Variants in MBP observed in about 807,000 individuals in gnomAD.
MBP encodes myelin basic protein, also known as Golli-MBP.
In MBP, 16 loss-of-function variants were observed where a neutral mutation model predicts 35.8. The ratio of observed to expected loss-of-function variants is 0.45; its 90% CI spans 0.30 to 0.68. The LOEUF (loss-of-function observed/expected upper bound fraction) is 0.68. Ranked by LOEUF, MBP falls within the 30% of genes least tolerant of loss-of-function variation. The probability of loss-of-function intolerance (pLI) is 0.08; values close to 1 mark genes in which losing one functional copy is unlikely to be tolerated. For synonymous variants in MBP, 143 were observed against 159.6 expected (o/e 0.90, Z 0.78); for missense variants, 380 against 404.7 (o/e 0.94, Z 0.52).
intron 4 of MBP, chr18:77,013,442 CA>C: frequency 1.0e-6 from 1 of 985,170 alleles, no homozygotes; most frequent in Non-Finnish European, 1.2e-6. Context: ...CTCATGGTAA[CA>C]ATGAGGAATT....
intron 2 of MBP, among the ~76,000 whole-genome samples, chr18:77,068,016 CGTGT>C (rs56090018): frequency 1.2e-3 from 178 of 149,712 alleles, no homozygotes; most frequent in South Asian, 6.4e-4. Context: ...CCCTCCATCC[CGTGT>C]GTGTGTGTGT....
chr18:77,006,865 CACAG>C (rs1163664488), intron 4 of MBP: 1 of 152,206 alleles, frequency 6.6e-6, no homozygotes, highest in Non-Finnish European at 1.5e-5. Context: ...GGTGTGTTTG[CACAG>C]AGAGAGAGAG....
At chr18:77,009,930 C>T (rs1971246247) in intron 4 of MBP, 5 of 1,576,666 alleles carry the variant, frequency 3.2e-6, no homozygotes, top group Non-Finnish European at 4.3e-6. Flanking sequence ...AGGGTACCTG[C>T]CGGGGGACAC....
At chr18:77,124,493 G>A (rs114848759) in intron 1 of MBP, among the ~76,000 whole-genome samples, 5,659 of 151,540 alleles carry the variant, frequency 0.037, 155 homozygotes, top group African/African-American at 0.076. Context: ...TGCTGTGGTC[G>A]CTGCCTGCAC....
At chr18:77,118,906 G>T (rs535552331) in intron 1 of MBP, among the ~76,000 whole-genome samples, 2 of 150,998 alleles carry the variant, frequency 1.3e-5, no homozygotes, top group East Asian at 1.9e-4. Flanking sequence ...CACACACACA[G>T]CCACAACACA....
intron 3 of MBP, among the ~76,000 whole-genome samples, chr18:77,032,546 C>T (rs993443263): frequency 6.6e-6 from 1 of 152,226 alleles, no homozygotes; most frequent in African/African-American, 2.4e-5. Context: ...GGGACGGGGT[C>T]GGCGAGGCGC....
At chr18:76,997,723 C>T (rs1475841056) in intron 4 of MBP, among the ~76,000 whole-genome samples, 29 of 151,118 alleles carry the variant, frequency 1.9e-4, no homozygotes, top group East Asian at 7.8e-4. Flanking sequence ...CACTTTGTCC[C>T]CCAGGCTGGA....
chr18:77,078,827 G>A (rs953897703), intron 2 of MBP, among the ~76,000 whole-genome samples: 11 of 152,210 alleles, frequency 7.2e-5, no homozygotes, highest in African/African-American at 2.7e-4. Context: ...CAATGAGGAT[G>A]CCCCAATCCT....
At position 77,101,334 on chromosome 18, in the gene MBP, A is replaced by G. The variant is rs147591486; in HGVS notation, c.51+3877T>C. 1.3e-5 allele frequency among the ~76,000 whole-genome samples: 2 copies of G among 152,358 alleles called. No individual in the cohort carries two copies. ...GTGATAGAAAGCTGGTAAATTAGTG[A>G]GGCAGGACCATTTGGAAACCAAATT... is the stretch of plus-strand genomic sequence containing the variant. On this transcript the variant is annotated intron_variant, in intron 2 of 8. Transcript: ENST00000355994. The surrounding 1 kb of genome is among the most constrained non-coding windows in gnomAD (Gnocchi z 4.3).
intron 1 of MBP, among the ~76,000 whole-genome samples, chr18:77,112,276 G>A (rs1156958770): frequency 1.3e-5 from 2 of 152,168 alleles, no homozygotes; most frequent in Non-Finnish European, 2.9e-5. Flanking sequence ...ACCCAGGCGG[G>A]TGGCGGCAAA....
In MBP at chr18:76,989,390, A is replaced by G. The variant is rs545840849; in HGVS notation, c.682-478T>C. On this transcript the variant is annotated intron_variant, in intron 5 of 8. Coordinates refer to ENST00000355994, the MANE Select transcript of MBP (RefSeq NM_001025101.2). This position sits in a 1 kb window ranked among gnomAD's most constrained non-coding sequence, Gnocchi z 4.0. ...AGCCTGTGGTTTTGTTCTTGTTTTT[A>G]ATCGTCTTCGTTTTGCATGGCACTT... Among the ~76,000 whole-genome samples, 1 of 152,268 alleles carries G rather than the reference A, an allele frequency of 6.6e-6. No individual in the cohort carries two copies. Among genetic ancestry groups the G allele is most frequent in the South Asian group, 2.1e-4 (1 of 4,822 alleles).
intron 3 of MBP, among the ~76,000 whole-genome samples, chr18:77,058,397 G>A (rs1233692819): frequency 1.3e-5 from 2 of 152,172 alleles, no homozygotes; most frequent in South Asian, 2.1e-4. Flanking sequence ...CTGACAGCCC[G>A]GCCGGACCCA....
At chr18:77,100,006 T>G (rs541931693) in intron 2 of MBP, among the ~76,000 whole-genome samples, 49 of 152,234 alleles carry the variant, frequency 3.2e-4, no homozygotes, top group Non-Finnish European at 1.5e-4. Flanking sequence ...ACTCTAATTG[T>G]GCAGCCGCTG....
chr18:77,015,565 ACAC>A, intron 4 of MBP: 1 of 985,482 alleles, frequency 1.0e-6, no homozygotes, highest in Non-Finnish European at 1.2e-6. Context: ...TATCTAAGAC[ACAC>A]AAAATGTCAT....
At chr18:77,109,648 A>G (rs1477794163) in intron 1 of MBP, 2 of 152,230 alleles carry the variant, frequency 1.3e-5, no homozygotes, top group African/African-American at 2.4e-5. Flanking sequence ...TACCCAAATC[A>G]TCTTACTCCC....
At chr18:77,024,686 G>A (rs1045818768) in intron 3 of MBP, among the ~76,000 whole-genome samples, 1 of 152,268 alleles carries the variant, frequency 6.6e-6, no homozygotes, top group Non-Finnish European at 1.5e-5. Flanking sequence ...AGGGCCTGCA[G>A]TCGCCAGGGT....
chr18:77,112,175 ACACACACACACACACGTGCGCGCG>A, intron 1 of MBP, among the ~76,000 whole-genome samples: 1 of 151,932 alleles, frequency 6.6e-6, no homozygotes, highest in East Asian at 1.9e-4. Flanking sequence ...ACACGCACAC[ACACACACACACACACGTGCGCGCG>A]CGGCAAAAAG....
chr18:77,041,922 G>A (rs1397618737), intron 3 of MBP, among the ~76,000 whole-genome samples: 2 of 130,752 alleles, frequency 1.5e-5, no homozygotes, highest in African/African-American at 3.1e-5. Flanking sequence ...AAGACTTAAA[G>A]TATAATTAAA....
At chr18:77,042,152 T>G (rs781407979) in intron 3 of MBP, among the ~76,000 whole-genome samples, 1 of 152,104 alleles carries the variant, frequency 6.6e-6, no homozygotes, top group Non-Finnish European at 1.5e-5. Flanking sequence ...TTTTTGGAAG[T>G]TTTGCTGCTG....
Sources: gnomAD v4.1 joint callset for allele counts (sites outside exome capture counted in the v4.1 genomes callset) on GRCh38, gnomAD v4.1.1 for gene constraint, Gnocchi (gnomAD v3.1) non-coding constraint, MANE v1.5 for transcripts, NCBI Gene and HGNC (gene_info 2026-07-23, HGNC 2026-07-21) for gene names.